Variants in GNPTG observed in about 807,000 individuals in gnomAD.
The protein encoded by GNPTG is N-acetylglucosamine-1-phosphate transferase subunit gamma.
GNPTG carries 46 observed loss-of-function variants against 43.8 expected under a neutral mutation model. The observed-to-expected ratio is 1.05, with a 90% CI of 0.83 to 1.34. The LOEUF is 1.34. Among genes scored for constraint, GNPTG ranks in the 40% most tolerant of loss-of-function variants. The pLI is 0.00. For synonymous variants in GNPTG, 250 were observed against 172.8 expected (o/e 1.45, Z -3.50); for missense variants, 549 against 411.3 (o/e 1.33, Z -2.90).
Position 1,362,049 on chromosome 16 carries a change from A to C in GNPTG, c.329A>C (p.Glu110Ala). ...CCGTGTCTCCCCAGCATCTGGCACG[A>C]GTGGGAGATCGCCAACAACACCTTC... ...AYSGILGIWH[E>A]WEIANNTFTG... The change falls in exon 6 of 11, where the codon GAG becomes GCG. Residue 110 changes from glutamate to alanine, a missense_variant. Transcript: ENST00000204679. 6.2e-7 allele frequency: 1 copy of C among 1,612,708 alleles called. No homozygotes were observed. The highest frequency in any genetic ancestry group is 8.5e-7 in the Non-Finnish European group (1 of 1,179,686).
Position 1,362,201 on chromosome 16 carries a change from C to G in GNPTG, c.412-5C>G, listed in dbSNP as rs1439408621. Reference sequence around the variant, plus strand: ...CCAACCCACCTACCCACGTTCCCTCCCCAGGTGGAGCTGGCGTGTGGAAAA... The same window carrying G: ...CCAACCCACCTACCCACGTTCCCTCGCCAGGTGGAGCTGGCGTGTGGAAAA... On this transcript the variant is annotated splice_region_variant and splice_polypyrimidine_tract_variant and intron_variant, in intron 6 of 10. Coordinates refer to ENST00000204679, the MANE Select transcript of GNPTG (RefSeq NM_032520.5). 4 of 1,613,432 alleles carry G rather than the reference C, an allele frequency of 2.5e-6. No individual in the cohort carries two copies. The Admixed American group carries it at 5.0e-5, about 20-fold the overall frequency.
At chr16:1,355,428 G>A (rs972028881) in intron 3 of GNPTG, among the ~76,000 whole-genome samples, 1 of 152,248 alleles carries the variant, frequency 6.6e-6, no homozygotes, top group African/African-American at 2.4e-5. Flanking sequence ...GCAGAAGAGT[G>A]TCTGCCAAGG....
chr16:1,361,953 C>T lies in GNPTG; in HGVS notation c.315C>T (p.Leu105=), dbSNP rs774673554. The change falls in exon 5 of 11, where the codon CTC becomes CTT. Residue 105 remains leucine (L), a splice_region_variant and synonymous_variant. Coordinates refer to ENST00000204679, the MANE Select transcript of GNPTG (RefSeq NM_032520.5). ...TFRWNAYSGI[L]GIWHEWEIAN... is the part of the protein sequence containing the mutation. ...GCTGGAACGCCTACAGTGGGATCCTCGGGTGAGTGGGGCCGGGGCAGGGAT... is the reference window on the plus strand; with the variant it reads ...GCTGGAACGCCTACAGTGGGATCCTTGGGTGAGTGGGGCCGGGGCAGGGAT... 19 of 1,613,474 alleles carry T rather than the reference C, an allele frequency of 1.2e-5. No homozygotes were observed. Among genetic ancestry groups the T allele is most frequent in the South Asian group, 5.5e-5 (5 of 91,092 alleles).
rs553046300 is a variant in GNPTG, at chr16:1,362,457, C to T, written c.532C>T (p.Pro178Ser). 13 of 1,613,902 alleles carry T rather than the reference C, an allele frequency of 8.1e-6. No individual in the cohort carries two copies. The African/African-American group carries it at 1.6e-4, about 20-fold the overall frequency. ...GGCTTCTCTTGGGTCCTCAGTGTAC[C>T]CAACCCTGCCAGAGGCCCTGCAGCG... ...VCHPHALLVY[P>S]TLPEALQRQW... is the part of the protein sequence containing the mutation. Residue 178 changes from proline to serine, a missense_variant, in exon 8 of 11, where the codon CCA becomes TCA. Physicochemically the swap from Pro to Ser is moderately conservative, Grantham distance 74. Transcript: ENST00000204679.
Position 1,362,481 on chromosome 16 carries a change from C to A in GNPTG, c.556C>A (p.Arg186=), listed in dbSNP as rs751880564. 2.4e-5 allele frequency: 39 copies of A among 1,613,948 alleles called. No individual in the cohort carries two copies. The highest frequency in any genetic ancestry group is 3.2e-5 in the Non-Finnish European group (38 of 1,180,014). The change falls in exon 8 of 11, where the codon CGG becomes AGG. Residue 186 remains arginine, a synonymous_variant. Transcript: ENST00000204679. ...CCCAACCCTGCCAGAGGCCCTGCAG[C>A]GGCAGTGGGACCAGGTAGAGCAGGA... is the stretch of plus-strand genomic sequence containing the variant. The part of the protein sequence containing the change: ...VYPTLPEALQ[R]QWDQVEQDLA...
intron 3 of GNPTG, among the ~76,000 whole-genome samples, chr16:1,360,183 G>A (rs1011333726): frequency 2.0e-5 from 3 of 151,940 alleles, no homozygotes; most frequent in South Asian, 2.1e-4. Flanking sequence ...GTGGATAATT[G>A]TGGTGTCTTG....
chr16:1,361,836 G>A (rs1208245737), intron 4 of GNPTG, 36 bp from the exon 5 acceptor site: 1 of 1,613,700 alleles, frequency 6.2e-7, no homozygotes, highest in Admixed American at 1.7e-5. Flanking sequence ...CTGGGGCGCA[G>A]CCTGCGGACC....
rs747594923 is a variant in GNPTG at position 1,362,741 on chromosome 16, A to T, written c.740A>T (p.Lys247Met). 22 of 1,613,956 alleles carry T rather than the reference A, an allele frequency of 1.4e-5. No individual in the cohort carries two copies. Among genetic ancestry groups the T allele is most frequent in the Non-Finnish European group, 1.8e-5 (21 of 1,180,010 alleles). The change falls in exon 9 of 11, where the codon AAG becomes ATG. Residue 247 changes from lysine (K) to methionine (M), a missense_variant and splice_region_variant. Lys to Met is a moderately conservative substitution (Grantham distance 95). Coordinates refer to ENST00000204679, the MANE Select transcript of GNPTG (RefSeq NM_032520.5). The stretch of plus-strand genomic sequence containing the variant: ...TTTGAGACCCTGGAAAACTGCAGGA[A>T]GGTACCGTATTGGGGGGAGGTGGTG... Reference protein sequence around the residue: ...LGFETLENCRKAHKELSKEIK... With the variant: ...LGFETLENCRMAHKELSKEIK...
In GNPTG at chr16:1,361,777, C is replaced by A; in HGVS notation, c.213C>A (p.Cys71Ter). The change falls in exon 4 of 11, where the codon TGC (cysteine) becomes TGA (stop). Residue 71 changes from cysteine to a stop codon, truncating the protein, a stop_gained. Transcript: ENST00000204679. LOFTEE classifies it high-confidence loss of function. ...ATCTCTTCCGACTCTCGGGCAAGTG[C>A]TTCAGCCTGGTGGAGTCCACGTGAG... ...PVHLFRLSGK[C>*]FSLVESTYKY... The A allele has an allele frequency of 6.2e-7, 1 of 1,613,756 alleles. No individual in the cohort carries two copies. Among genetic ancestry groups the A allele is most frequent in the Admixed American group, 1.7e-5 (1 of 60,026 alleles).
intron 3 of GNPTG, among the ~76,000 whole-genome samples, chr16:1,357,483 TTTATTATTATTA>T (rs113850025): frequency 6.6e-6 from 1 of 150,494 alleles, no homozygotes; most frequent in Non-Finnish European, 1.5e-5. Flanking sequence ...GTATTTCGAC[TTTATTATTATTA>T]TTATTATTAT....
At chr16:1,357,915 AGGGGACGGGGATGGGG>A (rs1194206360) in intron 3 of GNPTG, 1 of 152,458 alleles carries the variant, frequency 6.6e-6, no homozygotes, top group Non-Finnish European at 1.5e-5. Context: ...CAGGCCCTTC[AGGGGACGGGGATGGGG>A]GCCAGTCCCC....
At chr16:1,357,806 CCTG>C (rs2034805412) in intron 3 of GNPTG, 1 of 152,494 alleles carries the variant, frequency 6.6e-6, no homozygotes, top group Admixed American at 6.5e-5. Context: ...AGCCACCGCG[CCTG>C]GCCTCGACTT....
chr16:1,353,504 T>TA (rs1256260073), intron 3 of GNPTG, among the ~76,000 whole-genome samples: 2 of 152,262 alleles, frequency 1.3e-5, no homozygotes, highest in East Asian at 1.9e-4. Flanking sequence ...GTATGTGTGT[T>TA]AGAGTATTGT....
chr16:1,362,586 C>T (rs1278642330), intron 8 of GNPTG, 25 bp from the exon 9 acceptor site: 6 of 1,614,174 alleles, frequency 3.7e-6, no homozygotes, highest in African/African-American at 1.3e-5. Context: ...GAGCTGGGTG[C>T]TGCCCCTGCA....
intron 3 of GNPTG, among the ~76,000 whole-genome samples, chr16:1,359,235 C>G (rs372852122): frequency 2.6e-5 from 4 of 152,192 alleles, no homozygotes; most frequent in African/African-American, 9.6e-5. Context: ...TTATTTTCTC[C>G]CATTCTGTGG....
intron 3 of GNPTG, among the ~76,000 whole-genome samples, chr16:1,356,485 T>C (rs1567181224): frequency 6.6e-6 from 1 of 152,008 alleles, no homozygotes; most frequent in African/African-American, 2.4e-5. Flanking sequence ...TGCTGAAACC[T>C]GAGGGCCAGG....
In GNPTG at chr16:1,362,041, C is replaced by G. The variant is rs776376435; in HGVS notation, c.321C>G (p.Ile107Met). 5 of 1,612,790 alleles carry G rather than the reference C, an allele frequency of 3.1e-6. No homozygotes were observed. In the South Asian group the frequency reaches 3.3e-5, roughly 11 times the overall value. The change falls in exon 6 of 11, where the codon ATC becomes ATG. Residue 107 changes from isoleucine to methionine, a missense_variant. Ile to Met is a conservative substitution (Grantham distance 10). Transcript: ENST00000204679. ...RWNAYSGILG[I>M]WHEWEIANNT... is the part of the protein sequence containing the mutation. ...TGCCGTGCCCGTGTCTCCCCAGCAT[C>G]TGGCACGAGTGGGAGATCGCCAACA...
At chr16:1,361,566 C>T (rs1189745171) in intron 3 of GNPTG, 177 bp from the exon 4 acceptor site, 6 of 656,666 alleles carry the variant, frequency 9.1e-6, no homozygotes, top group African/African-American at 1.8e-5. Context: ...ATGGCGTGAA[C>T]ATGGGAGGCG....
chr16:1,352,249 C>T lies in GNPTG; in HGVS notation c.121C>T (p.Pro41Ser), dbSNP rs1567179733. 6.5e-7 allele frequency: 1 copy of T among 1,548,706 alleles called. No individual in the cohort carries two copies. Among genetic ancestry groups the T allele is most frequent in the Non-Finnish European group, 8.7e-7 (1 of 1,146,956 alleles). ...TGCCGCTTCCCGTAGGGTGAACAAC[C>T]CGTTCTTGCCTCAGGCCAGTCGCCT... ...EEPNAFGVNN[P>S]FLPQASRLQA... The change falls in exon 3 of 11, where the codon CCG becomes TCG. Residue 41 changes from proline (P) to serine (S), a missense_variant. By Grantham distance (74) the Pro-to-Ser change is moderately conservative (BLOSUM62 -1). Transcript: ENST00000204679.
Sources: gnomAD v4.1 joint callset for allele counts (sites outside exome capture counted in the v4.1 genomes callset) on GRCh38, gnomAD v4.1.1 for gene constraint, MANE v1.5 for transcripts, NCBI Gene and HGNC (gene_info 2026-07-23, HGNC 2026-07-21) for gene names.